Variants in ADGRF1 observed in about 807,000 individuals in gnomAD.
The protein encoded by ADGRF1 is adhesion G protein-coupled receptor F1.
Under a neutral mutation model 87.2 loss-of-function variants are expected in ADGRF1, and 85 were observed. The observed-to-expected ratio is 0.97, with a 90% CI of 0.82 to 1.17. The LOEUF (loss-of-function observed/expected upper bound fraction) is 1.17. ADGRF1 is among the 50% of genes most tolerant of loss of function. The probability of loss-of-function intolerance (pLI) is 0.00; values close to 1 mark genes in which losing one functional copy is unlikely to be tolerated. For synonymous variants in ADGRF1, 430 were observed against 408.8 expected, an observed-to-expected ratio of 1.05 and a Z score of -0.63; for missense variants, 1,169 against 1,077.2, an observed-to-expected ratio of 1.09 and a Z score of -1.19.
In ADGRF1 at chr6:47,012,927, G is replaced by T. The variant is rs960030096; in HGVS notation, c.928-732C>A. The T allele has an allele frequency of 1.3e-5, 7 of 555,736 alleles. No individual in the cohort carries two copies. In the South Asian group the frequency reaches 3.1e-4, roughly 25 times the overall value. The allele number at this position is 555,736 out of a possible 1,614,324, so 34.4% of individuals were successfully genotyped here. On this transcript the variant is annotated intron_variant, in intron 9 of 14. Coordinates refer to ENST00000371253, the MANE Select transcript of ADGRF1 (RefSeq NM_153840.4). The stretch of plus-strand genomic sequence containing the variant: ...TGGGATTACCGGCATGCACCACCAC[G>T]CCCAGCTAATTGTTTTTGTATCCTT...
At chr6:47,033,174 A>T (rs1780483544) in intron 1 of ADGRF1, among the ~76,000 whole-genome samples, 1 of 152,134 alleles carries the variant, frequency 6.6e-6, no homozygotes, top group African/African-American at 2.4e-5. Context: ...GTGATGCCTG[A>T]GCTGCAGCTG....
At position 47,012,261 on chromosome 6, in the gene ADGRF1, GAT is replaced by G. The variant is rs1779730826; in HGVS notation, c.928-68_928-67del. ...GCTGTGTTTCATCAAATTTAAATCA[GAT>G]GTCTTGGCCATATAGAACTAACATT... On this transcript the variant is annotated intron_variant, in intron 9 of 14. Coordinates refer to ENST00000371253, the MANE Select transcript of ADGRF1 (RefSeq NM_153840.4). 3 of 1,575,822 alleles carry G rather than the reference GAT, an allele frequency of 1.9e-6. No homozygotes were observed. In the South Asian group the frequency reaches 3.5e-5, roughly 19 times the overall value.
intron 4 of ADGRF1, 58 bp from the exon 5 acceptor site, chr6:47,024,275 G>C: frequency 8.4e-7 from 1 of 1,190,034 alleles, no homozygotes; most frequent in Non-Finnish European, 1.2e-6. Context: ...GACTACTGCT[G>C]AGCAGTGATT....
intron 10 of ADGRF1, among the ~76,000 whole-genome samples, chr6:47,011,654 A>C (rs1203675949): frequency 6.6e-6 from 1 of 152,230 alleles, no homozygotes; most frequent in Non-Finnish European, 1.5e-5. Flanking sequence ...TTATGAAGGG[A>C]GTTCTTAAAA....
chr6:47,032,927 G>A (rs1361312178), intron 1 of ADGRF1, among the ~76,000 whole-genome samples: 1 of 152,210 alleles, frequency 6.6e-6, no homozygotes, highest in East Asian at 1.9e-4. Flanking sequence ...GTCCACAGCA[G>A]CAAGGATGTC....
Position 47,025,864 on chromosome 6 carries a change from C to T in ADGRF1, c.267G>A (p.Lys89=), listed in dbSNP as rs1780214589. The T allele has an allele frequency of 1.3e-6, 2 of 1,598,146 alleles. No individual in the cohort carries two copies. The highest frequency in any genetic ancestry group is 1.3e-5 in the African/African-American group (1 of 74,560). ...SHGLIRIIRA[K]ATTDCNSLNG... is the part of the protein sequence containing the mutation. ...CGAGAGCCACCTTACCTGTGGTAGCCTTTGCTCTGATAATTCTAATTAGCC... is the reference window on the plus strand; with the variant it reads ...CGAGAGCCACCTTACCTGTGGTAGCTTTTGCTCTGATAATTCTAATTAGCC... The change falls in exon 4 of 15, where the codon AAG becomes AAA. Residue 89 remains lysine, a synonymous_variant. Transcript: ENST00000371253.
intron 7 of ADGRF1, chr6:47,019,465 C>T (rs1295856281): frequency 3.1e-5 from 20 of 639,392 alleles, no homozygotes; most frequent in East Asian, 1.4e-4. Context: ...AGGCGGATCA[C>T]GAGGTCAGGA....
intron 1 of ADGRF1, among the ~76,000 whole-genome samples, chr6:47,035,420 G>A (rs1470264266): frequency 6.6e-6 from 1 of 152,124 alleles, no homozygotes; most frequent in Non-Finnish European, 1.5e-5. Context: ...AAAAGTACCT[G>A]AACAGAACTC....
At chr6:47,018,738 C>T in intron 7 of ADGRF1, 1 of 299,606 alleles carries the variant, frequency 3.3e-6, no homozygotes. Context: ...ATGGTGAAAC[C>T]CTTCTTTATT....
Position 47,000,319 on chromosome 6 carries a change from T to C in ADGRF1, c.2660-24A>G. 3 of 1,529,274 alleles carry C rather than the reference T, an allele frequency of 2.0e-6. No homozygotes were observed. The Middle Eastern group carries it at 5.1e-4, about 262-fold the overall frequency. 94.7% of individuals were successfully genotyped at this position (1,529,274 alleles called of 1,614,324 possible). A position where few individuals can be genotyped will look rare whatever the true frequency, so the allele number is the denominator to read the frequency against. On this transcript the variant is annotated intron_variant, in intron 14 of 14. Coordinates refer to ENST00000371253, the MANE Select transcript of ADGRF1 (RefSeq NM_153840.4). ...GCCTGAAGGGGAAAAAAAAAGGAAA[T>C]AATTATTGTTACTCTGTTGAAATCA...
chr6:47,006,261 A>C (rs1779524665), intron 12 of ADGRF1, among the ~76,000 whole-genome samples: 1 of 152,190 alleles, frequency 6.6e-6, no homozygotes, highest in Non-Finnish European at 1.5e-5. Context: ...GTTCATGTGC[A>C]AAATTGTTCC....
chr6:47,025,866 T>TTGCTC lies in ADGRF1; in HGVS notation c.260_264dup (p.Lys89GlufsTer11), dbSNP rs951948171. 1.9e-6 allele frequency: 3 copies of TTGCTC among 1,599,270 alleles called. No individual in the cohort carries two copies. The highest frequency in any genetic ancestry group is 2.6e-6 in the Non-Finnish European group (3 of 1,171,208). ...AGAGCCACCTTACCTGTGGTAGCCT[T>TTGCTC]TGCTCTGATAATTCTAATTAGCCCA... On this transcript the variant is annotated frameshift_variant, in exon 4 of 15. Transcript: ENST00000371253. LOFTEE classifies it high-confidence loss of function.
At chr6:47,015,901 C>T (rs1414339711) in intron 8 of ADGRF1, among the ~76,000 whole-genome samples, 1 of 151,764 alleles carries the variant, frequency 6.6e-6, no homozygotes, top group Non-Finnish European at 1.5e-5. Context: ...CTGGGCCTGG[C>T]TAATTTTTGT....
At chr6:47,029,978 GA>G (rs1780361221) in intron 1 of ADGRF1, among the ~76,000 whole-genome samples, 1 of 152,184 alleles carries the variant, frequency 6.6e-6, no homozygotes, top group East Asian at 1.9e-4. Context: ...CATCTCACAG[GA>G]GAAGATGAGA....
intron 11 of ADGRF1, 107 bp downstream of exon 11, chr6:47,008,838 G>A: frequency 1.1e-6 from 1 of 930,824 alleles, no homozygotes; most frequent in Non-Finnish European, 1.6e-6. Context: ...TGATGGTCTT[G>A]CTGGAGGCAG....
At chr6:47,026,656 A>G (rs953413119) in intron 3 of ADGRF1, among the ~76,000 whole-genome samples, 21 of 152,080 alleles carry the variant, frequency 1.4e-4, no homozygotes, top group Admixed American at 5.9e-4. Context: ...GTCTTCTCCC[A>G]TCCAAAATTC....
At chr6:47,010,538 G>A (rs573320399) in intron 10 of ADGRF1, among the ~76,000 whole-genome samples, 5 of 152,318 alleles carry the variant, frequency 3.3e-5, no homozygotes, top group South Asian at 4.1e-4. Flanking sequence ...GTCCCAGGGT[G>A]ATCACCCCAG....
At chr6:47,013,009 T>G in intron 9 of ADGRF1, 5 of 918,112 alleles carry the variant, frequency 5.4e-6, no homozygotes, top group Non-Finnish European at 6.5e-6. Context: ...CTTGACCTCA[T>G]GATCTGCCCG....
chr6:47,018,504 T>C (rs1163024848), intron 7 of ADGRF1: 1 of 1,289,786 alleles, frequency 7.8e-7, no homozygotes, highest in South Asian at 1.2e-5. Context: ...GTCCATTCTA[T>C]TGATTACAGA....
Sources: gnomAD v4.1 joint callset for allele counts (sites outside exome capture counted in the v4.1 genomes callset) on GRCh38, gnomAD v4.1.1 for gene constraint, MANE v1.5 for transcripts, NCBI Gene and HGNC (gene_info 2026-07-23, HGNC 2026-07-21) for gene names.